AHRR: variants seen among roughly 807,000 people sequenced by gnomAD.
AHRR encodes aryl hydrocarbon receptor repressor, also known as ahR repressor.
In AHRR, 28 loss-of-function variants were observed where a neutral mutation model predicts 44.0. That is an observed-to-expected ratio of 0.64 (90% CI 0.47 to 0.87). The LOEUF is 0.87. Among genes scored for constraint, AHRR ranks in the 40% least tolerant of loss-of-function variants. The pLI, the probability that AHRR is intolerant of heterozygous loss-of-function variation, is 0.00. For synonymous variants in AHRR, 434 were observed against 407.0 expected (o/e 1.07, Z -0.80); for missense variants, 990 against 953.9 (o/e 1.04, Z -0.50).
chr5:356,327 G>T (rs144193107), intron 3 of AHRR, among the ~76,000 whole-genome samples: 1 of 152,192 alleles, frequency 6.6e-6, no homozygotes, highest in Non-Finnish European at 1.5e-5. Context: ...AGCCTGGGAC[G>T]TGGGACCCTA....
intron 4 of AHRR, 58 bp downstream of exon 4, chr5:376,774 G>A: frequency 6.9e-7 from 1 of 1,448,450 alleles, no homozygotes; most frequent in Non-Finnish European, 9.5e-7. Flanking sequence ...TGTCACGCGT[G>A]TTCAGGCTCA....
intron 3 of AHRR, among the ~76,000 whole-genome samples, chr5:371,343 C>G (rs116513544): frequency 1.4e-3 from 216 of 152,332 alleles, no homozygotes; most frequent in African/African-American, 5.1e-3. Flanking sequence ...TGACATCGGT[C>G]AGCACACTAG....
At chr5:424,621 G>C (rs1736304509) in intron 7 of AHRR, among the ~76,000 whole-genome samples, 1 of 152,176 alleles carries the variant, frequency 6.6e-6, no homozygotes, top group East Asian at 1.9e-4. Context: ...TTATACTCTA[G>C]TTGTACCTTT....
Position 395,982 on chromosome 5 carries a change from G to C in AHRR, c.352-17362G>C, listed in dbSNP as rs555821368. Among the ~76,000 whole-genome samples the C allele has an allele frequency of 6.6e-6, 1 of 152,210 alleles. No homozygotes were observed. The highest frequency in any genetic ancestry group is 6.5e-5 in the Admixed American group (1 of 15,288). On this transcript the variant is annotated intron_variant, in intron 4 of 10. Transcript: ENST00000684583. The surrounding 1 kb of genome is among the most constrained non-coding windows in gnomAD (Gnocchi z 5.3). The stretch of plus-strand genomic sequence containing the variant: ...TCGTCCAGAAACTCAGGCCAGAAGC[G>C]AAGGTATAAAACACCAGATGGTAAC...
At chr5:359,810 G>A (rs1743113429) in intron 3 of AHRR, among the ~76,000 whole-genome samples, 1 of 152,184 alleles carries the variant, frequency 6.6e-6, no homozygotes, top group Non-Finnish European at 1.5e-5. Flanking sequence ...CAAGAACAGA[G>A]GCCCCACAGC....
At chr5:420,709 C>A (rs1278659850) in intron 5 of AHRR, among the ~76,000 whole-genome samples, 2 of 152,088 alleles carry the variant, frequency 1.3e-5, no homozygotes, top group African/African-American at 4.8e-5. Context: ...GGACACCTTG[C>A]ATGGAAGGCG....
chr5:391,439 G>A (rs1280245934), intron 4 of AHRR, among the ~76,000 whole-genome samples: 7 of 112,414 alleles, frequency 6.2e-5, no homozygotes, highest in Middle Eastern at 4.4e-3. Flanking sequence ...AGGGCGAGGC[G>A]GGCGCAGGGC....
rs1283514222 is a variant in AHRR, at chr5:413,429, A to G, written c.437A>G (p.His146Arg). 1 of 1,611,758 alleles carries G rather than the reference A, an allele frequency of 6.2e-7. No individual in the cohort carries two copies. The highest frequency in any genetic ancestry group is 1.3e-5 in the African/African-American group (1 of 74,934). Residue 146 changes from histidine (H) to arginine (R), a missense_variant, in exon 5 of 11, where the codon CAT becomes CGT. Physicochemically the swap from His to Arg is conservative, Grantham distance 29 (BLOSUM62 0). Transcript: ENST00000684583. ...ACGATCGTGGACTATCTGGGCTTCC[A>G]TCAGGTAAATGAAACCAGAATAGCC... ...SATIVDYLGFHQTDVMHQNIY... is the reference protein window; with the variant it reads ...SATIVDYLGFRQTDVMHQNIY...
chr5:414,229 C>G (rs372210533), intron 5 of AHRR, among the ~76,000 whole-genome samples: 2 of 152,106 alleles, frequency 1.3e-5, no homozygotes, highest in African/African-American at 4.8e-5. Context: ...AGTCACTGCA[C>G]TCCAGCCTGG....
rs1162875431 is a variant in AHRR, at chr5:438,256, C to G, written c.*3422C>G. ...AAATTTGCAATATTGATGTAAAATA[C>G]ATGACATGCTAGTACATGTTTAACA... On this transcript the variant is annotated 3_prime_UTR_variant, in exon 11 of 11. Transcript: ENST00000684583. 1 of 152,352 alleles carries G rather than the reference C, an allele frequency of 6.6e-6. No homozygotes were observed. Among genetic ancestry groups the G allele is most frequent in the East Asian group, 1.9e-4 (1 of 5,342 alleles). The allele number at this position is 152,352 out of a possible 1,614,324, so 9.4% of individuals were successfully genotyped here. A position where few individuals can be genotyped will look rare whatever the true frequency, so the allele number is the denominator to read the frequency against.
At chr5:345,245 GA>G (rs1742594851) in intron 2 of AHRR, among the ~76,000 whole-genome samples, 1 of 113,138 alleles carries the variant, frequency 8.8e-6, no homozygotes, top group African/African-American at 4.6e-5. Context: ...TGTGTGTGGG[GA>G]TGTGTGTGTG....
At chr5:351,959 T>C (rs1742872749) in intron 2 of AHRR, among the ~76,000 whole-genome samples, 2 of 152,196 alleles carry the variant, frequency 1.3e-5, no homozygotes, top group Admixed American at 1.3e-4. Flanking sequence ...CCCAAACCCC[T>C]GGAAACAGCA....
In AHRR at chr5:424,071, C is replaced by T. The variant is rs1416867128; in HGVS notation, c.708+94C>T. 13 of 1,499,496 alleles carry T rather than the reference C, an allele frequency of 8.7e-6. No individual in the cohort carries two copies. The African/African-American group carries it at 1.2e-4, about 14-fold the overall frequency. 92.9% of individuals were successfully genotyped at this position (1,499,496 alleles called of 1,614,324 possible). ...AACAGAGGGCAAGAGGGGGTGGGGG[C>T]GTTAAACCACATGTCCCTGGTGGAG... On this transcript the variant is annotated intron_variant, in intron 7 of 10. Coordinates refer to ENST00000684583, the MANE Select transcript of AHRR (RefSeq NM_001377236.1).
At chr5:391,377 C>G (rs370410384) in intron 4 of AHRR, among the ~76,000 whole-genome samples, 4,941 of 71,002 alleles carry the variant, frequency 0.07, 219 homozygotes, top group African/African-American at 0.1. Context: ...CGTGCATGGG[C>G]GCAGGGCGAG....
chr5:397,268 T>C (rs1734762649), intron 4 of AHRR, among the ~76,000 whole-genome samples: 2 of 88,266 alleles, frequency 2.3e-5, no homozygotes, highest in South Asian at 4.0e-4. Context: ...ACGTAGCTCC[T>C]GACCGTCCAT....
intron 4 of AHRR, 148 bp downstream of exon 4, chr5:376,864 T>A: frequency 1.4e-6 from 1 of 719,490 alleles, no homozygotes; most frequent in Non-Finnish European, 2.3e-6. Context: ...TCAGGAAGCG[T>A]AGGCTCCAAA....
chr5:434,456 GA>G lies in AHRR; in HGVS notation c.1720del (p.Thr574GlnfsTer35). The G allele has an allele frequency of 6.2e-7, 1 of 1,613,500 alleles. No homozygotes were observed. Reference sequence around the variant, plus strand: ...CCACCTTCCCTACCAGGATGCACCTGAAAACAGAGCCAGACTCTCGGCAACA... The same window carrying G: ...CCACCTTCCCTACCAGGATGCACCTGAAACAGAGCCAGACTCTCGGCAACA... Reference protein sequence around the residue: ...PATFPTRMHLKTEPDSRQQVY... With the variant: ...PATFPTRMHLXTEPDSRQQVY... On this transcript the variant is annotated frameshift_variant, in exon 11 of 11. Transcript: ENST00000684583.
chr5:331,902 G>A (rs2126330199), intron 1 of AHRR, among the ~76,000 whole-genome samples: 1 of 152,318 alleles, frequency 6.6e-6, no homozygotes, highest in Middle Eastern at 3.4e-3. Flanking sequence ...TGGAAAAATT[G>A]TCTTCCACAA....
chr5:434,919 G>A lies in AHRR; in HGVS notation c.*85G>A, dbSNP rs948781022. On this transcript the variant is annotated 3_prime_UTR_variant, in exon 11 of 11. Transcript: ENST00000684583. ...GGGCTGCCCTGCTCCTGGTCAGGCCGGAGCCCGTCCTAAGACACACGCTTT... is the reference window on the plus strand; with the variant it reads ...GGGCTGCCCTGCTCCTGGTCAGGCCAGAGCCCGTCCTAAGACACACGCTTT... 40 of 1,467,832 alleles carry A rather than the reference G, an allele frequency of 2.7e-5. No individual in the cohort carries two copies. Among genetic ancestry groups the A allele is most frequent in the Admixed American group, 6.6e-5 (3 of 45,792 alleles). 90.9% of individuals were successfully genotyped at this position (1,467,832 alleles called of 1,614,324 possible).
Sources: gnomAD v4.1 joint callset for allele counts (sites outside exome capture counted in the v4.1 genomes callset) on GRCh38, gnomAD v4.1.1 for gene constraint, Gnocchi (gnomAD v3.1) non-coding constraint, MANE v1.5 for transcripts, NCBI Gene and HGNC (gene_info 2026-07-23, HGNC 2026-07-21) for gene names.